The following GPRC6A variants were observed in gnomAD, a reference collection of about 807,000 sequenced individuals.
GPRC6A encodes the protein G protein-coupled receptor class C group 6 member A, also known as G protein-coupled receptor family C group 6 member A.
In GPRC6A, 54 loss-of-function variants were observed where a neutral mutation model predicts 47.0. The ratio of observed to expected loss-of-function variants is 1.15; its 90% CI spans 0.92 to 1.44. The LOEUF (loss-of-function observed/expected upper bound fraction) is 1.44, where lower values mean the gene tolerates loss of function less well. Among genes scored for constraint, GPRC6A ranks in the 40% most tolerant of loss-of-function variants. GPRC6A has a pLI of 0.00. For synonymous variants in GPRC6A, 347 were observed against 377.1 expected (o/e 0.92, Z 0.93); for missense variants, 1,112 against 1,105.5 (o/e 1.01, Z -0.08).
In GPRC6A at chr6:116,800,625, T is replaced by G; in HGVS notation, c.1507A>C (p.Ile503Leu). The change falls in exon 4 of 6, where the codon ATC becomes CTC. Residue 503 changes from isoleucine to leucine, a missense_variant. Physicochemically the swap from Ile to Leu is conservative, Grantham distance 5. Transcript: ENST00000310357. ...TCATTTTTTGTTTCCTGATCTGGGA[T>G]GATGAAGACATCATTCTGTAGGTCA... is the stretch of plus-strand genomic sequence containing the variant. ...EYDLQNDVFI[I>L]PDQETKNEFR... 6.2e-7 allele frequency: 1 copy of G among 1,613,650 alleles called. No homozygotes were observed. The highest frequency in any genetic ancestry group is 1.7e-4 in the Middle Eastern group (1 of 6,054).
intron 3 of GPRC6A, among the ~76,000 whole-genome samples, chr6:116,806,079 G>A (rs576280794): frequency 1.3e-5 from 2 of 152,116 alleles, no homozygotes; most frequent in South Asian, 4.2e-4. Context: ...GCATTTAAAA[G>A]CGATAATTTA....
Position 116,793,101 on chromosome 6 carries a change from C to T in GPRC6A, c.1822G>A (p.Val608Ile), listed in dbSNP as rs370629591. 43 of 1,613,858 alleles carry T rather than the reference C, an allele frequency of 2.7e-5. No individual in the cohort carries two copies. The East Asian group carries it at 5.1e-4, about 19-fold the overall frequency. Residue 608 changes from valine (V) to isoleucine (I), a missense_variant, in exon 6 of 6, where the codon GTT becomes ATT. Val to Ile is a conservative substitution (Grantham distance 29, BLOSUM62 3). Transcript: ENST00000310357. ...GTAAATATTATGCCAACAACCAGAACAAATATGATTCCCAGTAGGGAGAGA... is the reference window on the plus strand; with the variant it reads ...GTAAATATTATGCCAACAACCAGAATAAATATGATTCCCAGTAGGGAGAGA... ...LILSLLGIIF[V>I]LVVGIIFTRN...
At chr6:116,800,975 G>A (rs1187644750) in intron 3 of GPRC6A, among the ~76,000 whole-genome samples, 179 bp from the exon 4 acceptor site, 1 of 152,136 alleles carries the variant, frequency 6.6e-6, no homozygotes, top group African/African-American at 2.4e-5. Flanking sequence ...AATTTCACTT[G>A]GGTCCTAGCC....
chr6:116,819,711 G>C (rs1025056206), intron 1 of GPRC6A, among the ~76,000 whole-genome samples: 131 of 152,170 alleles, frequency 8.6e-4, no homozygotes, highest in African/African-American at 3.1e-3. Context: ...TCAAAGCAGT[G>C]TGTAGAGGGA....
At chr6:116,798,093 G>A (rs777565009) in intron 4 of GPRC6A, among the ~76,000 whole-genome samples, 29 of 152,166 alleles carry the variant, frequency 1.9e-4, no homozygotes, top group Non-Finnish European at 2.8e-4. Context: ...TATTTAGCTC[G>A]TCGAACTTAA....
rs2114572293 is a variant in GPRC6A at position 116,792,191 on chromosome 6, G to T, written c.2732C>A (p.Ala911Asp). The T allele has an allele frequency of 1.2e-6, 2 of 1,613,884 alleles. No individual in the cohort carries two copies. The highest frequency in any genetic ancestry group is 4.5e-5 in the East Asian group (2 of 44,888). ...AGGCAAAGTTTTAGATACACTTGTG[G>T]CATTTTCCCTGCATATGTGTGCAAA... ...QAFAHICREN[A>D]TSVSKTLPRK... Residue 911 changes from alanine (A) to aspartate (D), a missense_variant, in exon 6 of 6, where the codon GCC becomes GAC. Coordinates refer to ENST00000310357, the MANE Select transcript of GPRC6A (RefSeq NM_148963.4).
chr6:116,809,673 C>G, intron 1 of GPRC6A, 56 bp from the exon 2 acceptor site: 1 of 1,278,932 alleles, frequency 7.8e-7, no homozygotes, highest in Non-Finnish European at 1.1e-6. Flanking sequence ...ATGGACATGG[C>G]TGTATCTCAT....
In GPRC6A at chr6:116,795,771, T is replaced by C; in HGVS notation, c.1613A>G (p.Gln538Arg). The stretch of plus-strand genomic sequence containing the variant: ...CTGACATTCATAGCAACAGATGTGT[T>C]GACTTCTTGTAGTTTTCTTCATTTG... ...PGQMKKTTRSQHICCYECQNC... is the reference protein window; with the variant it reads ...PGQMKKTTRSRHICCYECQNC... The change falls in exon 5 of 6, where the codon CAA becomes CGA. Residue 538 changes from glutamine (Q) to arginine (R), a missense_variant. Physicochemically the swap from Gln to Arg is conservative, Grantham distance 43. Transcript: ENST00000310357. 6.2e-7 allele frequency: 1 copy of C among 1,609,710 alleles called. No homozygotes were observed. Among genetic ancestry groups the C allele is most frequent in the Non-Finnish European group, 8.5e-7 (1 of 1,176,310 alleles).
Position 116,809,604 on chromosome 6 carries a change from C to G in GPRC6A, c.208G>C (p.Val70Leu). The G allele has an allele frequency of 6.2e-7, 1 of 1,606,888 alleles. No individual in the cohort carries two copies. Among genetic ancestry groups the G allele is most frequent in the Non-Finnish European group, 8.5e-7 (1 of 1,174,732 alleles). Reference sequence around the variant, plus strand: ...ATCATGGCAAGAGTTTGAAGAAAAACTGATATTTCAAAGCTGTTGGGAAAC... The same window carrying G: ...ATCATGGCAAGAGTTTGAAGAAAAAGTGATATTTCAAAGCTGTTGGGAAAC... ...IQECVGFEISVFLQTLAMIHS... is the reference protein window; with the variant it reads ...IQECVGFEISLFLQTLAMIHS... Residue 70 changes from valine to leucine, a missense_variant, in exon 2 of 6, where the codon GTT becomes CTT. Coordinates refer to ENST00000310357, the MANE Select transcript of GPRC6A (RefSeq NM_148963.4).
rs1490058246 is a variant in GPRC6A, at chr6:116,806,898, G to A, written c.807C>T (p.Ala269=). ...GAAATACCACAATGACATTAACCTG[G>A]GCTTCTAAAATGATTTTCTTCAGTG... ...NRTLKKIILE[A]QVNVIVVFLR... is the part of the protein sequence containing the mutation. Residue 269 remains alanine, a synonymous_variant, in exon 3 of 6, where the codon GCC becomes GCT. Coordinates refer to ENST00000310357, the MANE Select transcript of GPRC6A (RefSeq NM_148963.4). 1 of 1,613,272 alleles carries A rather than the reference G, an allele frequency of 6.2e-7. No homozygotes were observed.
At chr6:116,811,772 T>C (rs1018640416) in intron 1 of GPRC6A, among the ~76,000 whole-genome samples, 7 of 151,750 alleles carry the variant, frequency 4.6e-5, no homozygotes, top group Non-Finnish European at 2.9e-5. Flanking sequence ...AAAGAACCTC[T>C]GAACCTGAAG....
intron 1 of GPRC6A, among the ~76,000 whole-genome samples, chr6:116,814,067 C>T (rs928021875): frequency 2.0e-5 from 3 of 152,172 alleles, no homozygotes; most frequent in Middle Eastern, 3.4e-3. Flanking sequence ...CCATCTCACA[C>T]CAGCTAGAAT....
intron 1 of GPRC6A, among the ~76,000 whole-genome samples, chr6:116,818,848 C>G (rs923778086): frequency 1.3e-5 from 2 of 151,460 alleles, no homozygotes; most frequent in Non-Finnish European, 2.9e-5. Context: ...ATCAAATTCA[C>G]ACATAACAAT....
At position 116,806,418 on chromosome 6, in the gene GPRC6A, C is replaced by G; in HGVS notation, c.1287G>C (p.Leu429=). 6.2e-7 allele frequency: 1 copy of G among 1,613,240 alleles called. No homozygotes were observed. The change falls in exon 3 of 6, where the codon CTG becomes CTC. Residue 429 remains leucine, a synonymous_variant. Transcript: ENST00000310357. ...VFALGYAIRD[L]CQARDCQNPN... is the part of the protein sequence containing the mutation. ...GGTTCTGACAGTCACGAGCTTGACA[C>G]AGATCCCGAATGGCATAACCAAGGG...
chr6:116,795,419 G>T (rs1772448205), intron 5 of GPRC6A, among the ~76,000 whole-genome samples: 1 of 152,106 alleles, frequency 6.6e-6, no homozygotes, highest in Admixed American at 6.6e-5. Flanking sequence ...AATTGACAGA[G>T]AACTTGCATC....
At position 116,793,132 on chromosome 6, in the gene GPRC6A, G is replaced by C. The variant is rs1772370397; in HGVS notation, c.1791C>G (p.Leu597=). 2 of 1,613,896 alleles carry C rather than the reference G, an allele frequency of 1.2e-6. No individual in the cohort carries two copies. Among genetic ancestry groups the C allele is most frequent in the Non-Finnish European group, 1.7e-6 (2 of 1,179,824 alleles). Residue 597 remains leucine (L), a synonymous_variant, in exon 6 of 6, where the codon CTC becomes CTG. Transcript: ENST00000310357. ...LNWNDSLAIL[L]LILSLLGIIF... ...TGATTCCCAGTAGGGAGAGAATCAGGAGTAGGATGGCCAAGGAGTCATTCC... is the reference window on the plus strand; with the variant it reads ...TGATTCCCAGTAGGGAGAGAATCAGCAGTAGGATGGCCAAGGAGTCATTCC...
rs766483439 is a variant in GPRC6A at position 116,800,684 on chromosome 6, T to C, written c.1448A>G (p.Asn483Ser). 3 of 1,611,222 alleles carry C rather than the reference T, an allele frequency of 1.9e-6. No homozygotes were observed. Among genetic ancestry groups the C allele is most frequent in the South Asian group, 1.1e-5 (1 of 91,042 alleles). Residue 483 changes from asparagine to serine, a missense_variant, in exon 4 of 6, where the codon AAT (asparagine) becomes AGT (serine). Transcript: ENST00000310357. ...CATCTTAGTGACAGTCATGTGTCCA[T>C]TGATCTCCTTCCAGAGCACAACATC... ...GYDVVLWKEI[N>S]GHMTVTKMAE...
At position 116,792,474 on chromosome 6, in the gene GPRC6A, C is replaced by A; in HGVS notation, c.2449G>T (p.Val817Phe). Residue 817 changes from valine to phenylalanine, a missense_variant, in exon 6 of 6, where the codon GTC (valine) becomes TTC (phenylalanine). Coordinates refer to ENST00000310357, the MANE Select transcript of GPRC6A (RefSeq NM_148963.4). The part of the protein sequence containing the change: ...GKYVPAVEII[V>F]ILISNYGILY... ...ATTCCATAGTTAGATATTAATATGA[C>A]AATAATCTCCACAGCTGGTACATAT... 1 of 1,613,664 alleles carries A rather than the reference C, an allele frequency of 6.2e-7. No individual in the cohort carries two copies. Among genetic ancestry groups the A allele is most frequent in the Non-Finnish European group, 8.5e-7 (1 of 1,179,646 alleles).
intron 4 of GPRC6A, among the ~76,000 whole-genome samples, chr6:116,799,640 C>T (rs528909826): frequency 6.6e-6 from 1 of 152,158 alleles, no homozygotes; most frequent in Admixed American, 6.5e-5. Context: ...ATGTATTCAA[C>T]TGTTTCAGGG....
Sources: allele counts gnomAD v4.1 joint callset (sites outside exome capture counted in the v4.1 genomes callset), GRCh38; gene constraint gnomAD v4.1.1; transcripts MANE v1.5; gene names NCBI Gene and HGNC (gene_info 2026-07-23, HGNC 2026-07-21).